Variants in UBL7 observed in about 807,000 individuals in gnomAD.
UBL7 encodes the protein ubiquitin-like protein 7.
In UBL7, 21 loss-of-function variants were observed where a neutral mutation model predicts 41.7. That is an observed-to-expected ratio of 0.50 (90% CI 0.36 to 0.73). The LOEUF (loss-of-function observed/expected upper bound fraction) is 0.73, where lower values mean the gene tolerates loss of function less well. Ranked by LOEUF, UBL7 falls within the 30% of genes least tolerant of loss-of-function variation. The pLI is 0.00. For missense variants in UBL7, 403 were observed against 478.4 expected (o/e 0.84, Z 1.47); for synonymous variants, 157 against 186.9 (o/e 0.84, Z 1.31).
At chr15:74,452,457 T>C in intron 3 of UBL7, 79 bp from the exon 4 acceptor site, 3 of 1,414,072 alleles carry the variant, frequency 2.1e-6, no homozygotes, top group South Asian at 2.5e-5. Flanking sequence ...CATTTCAGCA[T>C]GTGCCAAGGA....
chr15:74,452,200 T>C (rs2061253913), intron 4 of UBL7, 96 bp downstream of exon 4: 3 of 1,333,878 alleles, frequency 2.2e-6, no homozygotes, highest in Non-Finnish European at 3.1e-6. Flanking sequence ...TTGGTTGCCA[T>C]GGCAACGGGC....
At chr15:74,460,704 C>A (rs1312995669) in intron 1 of UBL7, 1 of 1,289,142 alleles carries the variant, frequency 7.8e-7, no homozygotes, top group Non-Finnish European at 1.0e-6. Flanking sequence ...AAATCAGAAA[C>A]TCTGACGGCG....
rs2061182665 is a variant in UBL7 at position 74,446,216 on chromosome 15, C to T, written c.1017G>A (p.Gln339=). The change falls in exon 11 of 11, where the codon CAG becomes CAA. Residue 339 remains glutamine, a synonymous_variant. Coordinates refer to ENST00000395081, the MANE Select transcript of UBL7 (RefSeq NM_032907.5). This position sits in a 1 kb window ranked among gnomAD's most constrained non-coding sequence, Gnocchi z 4.1. The part of the protein sequence containing the change: ...SGQPSLQSQW[Q]PQLQQLRDMG... Reference sequence around the variant, plus strand: ...TGTCACGTAGCTGCTGCAGCTGGGGCTGCCACTGGCTCTGTGGAAAGATAG... The same window carrying T: ...TGTCACGTAGCTGCTGCAGCTGGGGTTGCCACTGGCTCTGTGGAAAGATAG... The T allele has an allele frequency of 6.2e-7, 1 of 1,613,716 alleles. No homozygotes were observed. The highest frequency in any genetic ancestry group is 1.3e-5 in the African/African-American group (1 of 74,914).
At position 74,449,667 on chromosome 15, in the gene UBL7, G is replaced by A. The variant is rs531347351; in HGVS notation, c.673C>T (p.Leu225=). The A allele has an allele frequency of 1.2e-6, 2 of 1,614,140 alleles. No homozygotes were observed. The highest frequency in any genetic ancestry group is 1.7e-5 in the Admixed American group (1 of 60,014). The change falls in exon 8 of 11, where the codon CTG becomes TTG. Residue 225 remains leucine (L), a synonymous_variant. Transcript: ENST00000395081. The part of the protein sequence containing the change: ...SSYRDMPGGF[L]FEGLSDDEDD... Reference sequence around the variant, plus strand: ...TCATCATCTGAGAGCCCTTCAAACAGGAAGCCACCTGGAGGAGGACGAACA... The same window carrying A: ...TCATCATCTGAGAGCCCTTCAAACAAGAAGCCACCTGGAGGAGGACGAACA...
In UBL7 at chr15:74,446,176, C is replaced by A. The variant is rs147881345; in HGVS notation, c.1057G>T (p.Asp353Tyr). 2 of 1,613,860 alleles carry A rather than the reference C, an allele frequency of 1.2e-6. No homozygotes were observed. Among genetic ancestry groups the A allele is most frequent in the African/African-American group, 2.7e-5 (2 of 74,922 alleles). The change falls in exon 11 of 11, where the codon GAT (aspartate) becomes TAT (tyrosine). Residue 353 changes from aspartate (D) to tyrosine (Y), a missense_variant. Physicochemically the swap from Asp to Tyr is radical, Grantham distance 160. Coordinates refer to ENST00000395081, the MANE Select transcript of UBL7 (RefSeq NM_032907.5). This position sits in a 1 kb window ranked among gnomAD's most constrained non-coding sequence, Gnocchi z 4.1. ...TGCAGGGCCCGCAGGCTCAGCTCAT[C>A]GTCCTGGATGCCCATGTCACGTAGC... is the stretch of plus-strand genomic sequence containing the variant. The part of the protein sequence containing the change: ...QQLRDMGIQD[D>Y]ELSLRALQAT...
At chr15:74,458,968 T>C in intron 1 of UBL7, 72 bp from the exon 2 acceptor site, 1 of 1,449,994 alleles carries the variant, frequency 6.9e-7, no homozygotes, top group African/African-American at 1.4e-5. Flanking sequence ...CACCAAAGGG[T>C]TGAATGAAAG....
chr15:74,454,669 A>G (rs1442475531), intron 3 of UBL7, among the ~76,000 whole-genome samples: 1 of 152,164 alleles, frequency 6.6e-6, no homozygotes, highest in Non-Finnish European at 1.5e-5. Context: ...AAGTTCTGGG[A>G]TTACAGGCGT....
rs935906564 is a variant in UBL7, at chr15:74,446,003, G to C, written c.*87C>G. 7.8e-6 allele frequency: 12 copies of C among 1,530,446 alleles called. No homozygotes were observed. The East Asian group carries it at 2.7e-4, about 35-fold the overall frequency. The allele number at this position is 1,530,446 out of a possible 1,614,324, so 94.8% of individuals were successfully genotyped here. A position where few individuals can be genotyped will look rare whatever the true frequency, so the allele number is the denominator to read the frequency against. On this transcript the variant is annotated 3_prime_UTR_variant, in exon 11 of 11. Coordinates refer to ENST00000395081, the MANE Select transcript of UBL7 (RefSeq NM_032907.5). This position sits in a 1 kb window ranked among gnomAD's most constrained non-coding sequence, Gnocchi z 4.1. ...AGAGTTGACCATCAGGTATATTGGG[G>C]AAGGGAGAGATGGAGGCACCTTCAT...
Position 74,449,632 on chromosome 15 carries a change from A to G in UBL7, c.708T>C (p.Phe236=). ...FEGLSDDEDD[F]HPNTRSTPSS... ...AGGCAGGCAGGCCACTTACTGGGTG[A>G]AAGTCATCCTCATCATCTGAGAGCC... is the stretch of plus-strand genomic sequence containing the variant. Residue 236 remains phenylalanine (F), a synonymous_variant, in exon 8 of 11, where the codon TTT becomes TTC. Transcript: ENST00000395081. The G allele has an allele frequency of 1.2e-6, 2 of 1,614,170 alleles. No homozygotes were observed. The highest frequency in any genetic ancestry group is 1.7e-6 in the Non-Finnish European group (2 of 1,180,024).
intron 2 of UBL7, 102 bp downstream of exon 2, chr15:74,458,582 G>T: frequency 3.1e-6 from 3 of 973,560 alleles, no homozygotes; most frequent in Non-Finnish European, 4.7e-6. Context: ...AACATTATGA[G>T]GCAACAAATC....
At chr15:74,449,883 C>T (rs2061224853) in intron 7 of UBL7, 53 bp downstream of exon 7, 6 of 1,576,150 alleles carry the variant, frequency 3.8e-6, no homozygotes, top group Non-Finnish European at 5.2e-6. Flanking sequence ...AAGCAAATTC[C>T]TGGGCCACTG....
intron 1 of UBL7, chr15:74,460,594 C>T (rs2061339332): frequency 2.3e-6 from 2 of 883,458 alleles, no homozygotes; most frequent in African/African-American, 1.8e-5. Context: ...ATCTGCTTGC[C>T]CCCTCCTCCA....
In UBL7 at chr15:74,456,034, G is replaced by A. The variant is rs560077726; in HGVS notation, c.304+518C>T. On this transcript the variant is annotated intron_variant, in intron 3 of 10. Coordinates refer to ENST00000395081, the MANE Select transcript of UBL7 (RefSeq NM_032907.5). The stretch of plus-strand genomic sequence containing the variant: ...CCCAGCTACCTGGGAGGCTGAGGCA[G>A]GAGAATGGTGTGAACCCGGGAGGCG... 4.0e-5 allele frequency among the ~76,000 whole-genome samples: 6 copies of A among 151,820 alleles called. No individual in the cohort carries two copies. The South Asian group carries it at 1.2e-3, about 32-fold the overall frequency.
At position 74,458,882 on chromosome 15, in the gene UBL7, G is replaced by A. The variant is rs372162835; in HGVS notation, c.-15C>T. Reference sequence around the variant, plus strand: ...GAGAGAGACATCCTCTCTCTTTCGCGCTCTCTCTTTCTCCCTGTAAAAGAA... The same window carrying A: ...GAGAGAGACATCCTCTCTCTTTCGCACTCTCTCTTTCTCCCTGTAAAAGAA... On this transcript the variant is annotated 5_prime_UTR_variant, in exon 2 of 11. Coordinates refer to ENST00000395081, the MANE Select transcript of UBL7 (RefSeq NM_032907.5). 78 of 1,606,432 alleles carry A rather than the reference G, an allele frequency of 4.9e-5. No individual in the cohort carries two copies. Among genetic ancestry groups the A allele is most frequent in the Non-Finnish European group, 6.2e-5 (73 of 1,179,956 alleles).
At chr15:74,448,654 C>T in intron 9 of UBL7, 54 bp from the exon 10 acceptor site, 7 of 1,605,174 alleles carry the variant, frequency 4.4e-6, no homozygotes, top group Non-Finnish European at 6.0e-6. Context: ...AATCTTATAG[C>T]AGATGCTCGC....
At chr15:74,456,478 CT>C in intron 3 of UBL7, 73 bp downstream of exon 3, 2 of 1,582,568 alleles carry the variant, frequency 1.3e-6, no homozygotes, top group South Asian at 2.3e-5. Context: ...AGGCTTGTGC[CT>C]CAAGAACACA....
chr15:74,450,712 C>T, intron 6 of UBL7, 90 bp downstream of exon 6: 4 of 1,420,224 alleles, frequency 2.8e-6, no homozygotes, highest in Admixed American at 1.7e-5. Flanking sequence ...TATGGATGGG[C>T]TCCCAGAGCA....
intron 8 of UBL7, 120 bp from the exon 9 acceptor site, chr15:74,449,473 TC>T: frequency 6.5e-7 from 1 of 1,535,860 alleles, no homozygotes; most frequent in Non-Finnish European, 8.9e-7. Flanking sequence ...CAGAAAGGAA[TC>T]CAAAAGCAGA....
intron 2 of UBL7, among the ~76,000 whole-genome samples, chr15:74,457,205 C>T (rs1262764748): frequency 2.0e-5 from 3 of 152,210 alleles, no homozygotes; most frequent in Admixed American, 2.0e-4. Flanking sequence ...CACCTATAAA[C>T]CCAGCACTTT....
Sources: allele counts gnomAD v4.1 joint callset (sites outside exome capture counted in the v4.1 genomes callset), GRCh38; gene constraint gnomAD v4.1.1; non-coding constraint Gnocchi (gnomAD v3.1); transcripts MANE v1.5; gene names NCBI Gene and HGNC (gene_info 2026-07-23, HGNC 2026-07-21).